MGAT4A: variants seen among roughly 807,000 people sequenced by gnomAD.
The protein encoded by MGAT4A is alpha-1,3-mannosyl-glycoprotein 4-beta-N-acetylglucosaminyltransferase A.
A neutral mutation model predicts 74.1 loss-of-function variants in MGAT4A; 33 were observed. That is an observed-to-expected ratio of 0.45 (90% CI 0.34 to 0.60). MGAT4A has a LOEUF of 0.60. MGAT4A is among the 20% of genes least tolerant of loss of function. MGAT4A has a pLI of 0.02. For missense variants in MGAT4A, 479 were observed against 628.3 expected, an observed-to-expected ratio of 0.76 and a Z score of 2.54; for synonymous variants, 198 against 210.4, an observed-to-expected ratio of 0.94 and a Z score of 0.51.
chr2:98,680,929 A>G (rs1288591038), intron 2 of MGAT4A, among the ~76,000 whole-genome samples: 1 of 152,238 alleles, frequency 6.6e-6, no homozygotes, highest in African/African-American at 2.4e-5. Context: ...TCTTACAAAA[A>G]GATTAATTCT....
chr2:98,654,728 C>T (rs976047027), intron 8 of MGAT4A, among the ~76,000 whole-genome samples: 5 of 152,144 alleles, frequency 3.3e-5, no homozygotes, highest in Middle Eastern at 3.4e-3. Context: ...CTACCTAAAG[C>T]GATCTACAGA....
At chr2:98,677,801 A>ATTTTTTTTTTT (rs70940122) in intron 3 of MGAT4A, among the ~76,000 whole-genome samples, 4 of 121,334 alleles carry the variant, frequency 3.3e-5, no homozygotes, top group Non-Finnish European at 6.8e-5. Flanking sequence ...CAGGTAATAA[A>ATTTTTTTTTTT]TTTTTTTTTT....
chr2:98,674,867 G>T (rs964251898), intron 4 of MGAT4A, among the ~76,000 whole-genome samples, 168 bp downstream of exon 4: 2 of 152,148 alleles, frequency 1.3e-5, no homozygotes, highest in African/African-American at 4.8e-5. Context: ...GGTCTATGAA[G>T]GAAAATGTCC....
chr2:98,726,098 A>G lies in MGAT4A; in HGVS notation c.94+141T>C, dbSNP rs2104339868. On this transcript the variant is annotated intron_variant, in intron 2 of 15. Coordinates refer to ENST00000393487, the MANE Select transcript of MGAT4A (RefSeq NM_012214.3). ...GTCCTCTGTCCAAGAATACTGTTTC[A>G]TTTTTATATCAGAAAGAAACTGCCA... 3 of 579,958 alleles carry G rather than the reference A, an allele frequency of 5.2e-6. No individual in the cohort carries two copies. In the East Asian group the frequency reaches 8.4e-5, roughly 16 times the overall value. The allele number at this position is 579,958 out of a possible 1,614,324, so 35.9% of individuals were successfully genotyped here.
intron 2 of MGAT4A, among the ~76,000 whole-genome samples, chr2:98,680,218 ATT>A (rs1387994446): frequency 6.6e-6 from 1 of 151,624 alleles, no homozygotes; most frequent in Non-Finnish European, 1.5e-5. Context: ...TACTTTTCGT[ATT>A]TTCAGTAGAG....
At chr2:98,642,268 C>G (rs1256431262) in intron 10 of MGAT4A, among the ~76,000 whole-genome samples, 4 of 152,266 alleles carry the variant, frequency 2.6e-5, no homozygotes, top group Admixed American at 6.5e-5. Context: ...GTGTCTGGAA[C>G]TCAGCCTGTC....
chr2:98,686,793 C>T (rs865818726), intron 2 of MGAT4A, among the ~76,000 whole-genome samples: 1 of 152,072 alleles, frequency 6.6e-6, no homozygotes, highest in Admixed American at 6.6e-5. Context: ...GTGATCTGCC[C>T]GCCTCGGCCT....
chr2:98,653,121 CAAA>C (rs57040440), intron 8 of MGAT4A, among the ~76,000 whole-genome samples: 1 of 140,180 alleles, frequency 7.1e-6, no homozygotes. Context: ...CAAACGAAAA[CAAA>C]AAAAAAAATA....
chr2:98,648,590 ATGTC>A (rs1166874816), intron 8 of MGAT4A, among the ~76,000 whole-genome samples: 3 of 151,704 alleles, frequency 2.0e-5, no homozygotes, highest in African/African-American at 7.3e-5. Context: ...ATGGTGGTGC[ATGTC>A]TGTGGCCCCA....
intron 8 of MGAT4A, among the ~76,000 whole-genome samples, chr2:98,647,156 A>G (rs951144748): frequency 1.3e-5 from 2 of 152,222 alleles, no homozygotes; most frequent in African/African-American, 4.8e-5. Context: ...GAAATAAGTG[A>G]TCTAGGGAAA....
intron 2 of MGAT4A, among the ~76,000 whole-genome samples, chr2:98,681,674 G>A (rs868756605): frequency 2.0e-5 from 3 of 152,158 alleles, no homozygotes; most frequent in South Asian, 2.1e-4. Flanking sequence ...ACTCTTTGGA[G>A]GCCGGGCGTG....
chr2:98,660,021 A>C (rs1190773043), intron 5 of MGAT4A, among the ~76,000 whole-genome samples: 1 of 152,190 alleles, frequency 6.6e-6, no homozygotes, highest in Non-Finnish European at 1.5e-5. Flanking sequence ...TCAAATTATA[A>C]AAAGTTTTTA....
chr2:98,673,543 C>T (rs1348646909), intron 4 of MGAT4A, among the ~76,000 whole-genome samples: 1 of 151,894 alleles, frequency 6.6e-6, no homozygotes, highest in Non-Finnish European at 1.5e-5. Flanking sequence ...TTCTACCTTT[C>T]AAAAATAGTA....
chr2:98,650,145 C>T (rs747409121), intron 8 of MGAT4A, among the ~76,000 whole-genome samples: 1 of 152,066 alleles, frequency 6.6e-6, no homozygotes, highest in Non-Finnish European at 1.5e-5. Flanking sequence ...TTGAAAATTT[C>T]ACTAGAAGGA....
chr2:98,622,347 C>G lies in MGAT4A; in HGVS notation c.*3219G>C. 9 of 985,426 alleles carry G rather than the reference C, an allele frequency of 9.1e-6. No homozygotes were observed. The highest frequency in any genetic ancestry group is 1.1e-5 in the Non-Finnish European group (9 of 829,940). 61.0% of individuals were successfully genotyped at this position (985,426 alleles called of 1,614,324 possible). On this transcript the variant is annotated 3_prime_UTR_variant, in exon 16 of 16. Coordinates refer to ENST00000393487, the MANE Select transcript of MGAT4A (RefSeq NM_012214.3). Reference sequence around the variant, plus strand: ...ACTAGCTCCACATGGCCACTGAGTACTTGGAATGTCACTAGTGTGTGTGAT... The same window carrying G: ...ACTAGCTCCACATGGCCACTGAGTAGTTGGAATGTCACTAGTGTGTGTGAT...
intron 4 of MGAT4A, among the ~76,000 whole-genome samples, chr2:98,671,344 T>C (rs996978072): frequency 1.3e-5 from 2 of 152,158 alleles, no homozygotes; most frequent in African/African-American, 4.8e-5. Flanking sequence ...GCAAATGTGA[T>C]CTCTGTAAAA....
At position 98,729,167 on chromosome 2, in the gene MGAT4A, GAA is replaced by G. The variant is rs71978870; in HGVS notation, c.-236+1879_-236+1880del. ...TATTGATATACTACCCCTAATATAT[GAA>G]AAAAAAAAAATACTGGATCCAGTAA... On this transcript the variant is annotated intron_variant, in intron 1 of 15. Coordinates refer to ENST00000393487, the MANE Select transcript of MGAT4A (RefSeq NM_012214.3). 3.3e-3 allele frequency among the ~76,000 whole-genome samples: 475 copies of G among 144,726 alleles called. 6 individuals are homozygous for G. The highest frequency in any genetic ancestry group is 0.011 in the African/African-American group (430 of 40,156). 94.9% of individuals were successfully genotyped at this position (144,726 alleles called of 152,430 possible).
In MGAT4A at chr2:98,622,316, G is replaced by T. The variant is rs190111823; in HGVS notation, c.*3250C>A. The T allele has an allele frequency of 3.8e-4, 379 of 985,426 alleles. 3 individuals are homozygous for T. Among genetic ancestry groups the T allele is most frequent in the Admixed American group, 3.7e-4 (6 of 16,286 alleles). 61.0% of individuals were successfully genotyped at this position (985,426 alleles called of 1,614,324 possible). A position where few individuals can be genotyped will look rare whatever the true frequency, so the allele number is the denominator to read the frequency against. ...TTCTGCATCCGTGGTGTCAAGTGTG[G>T]TGGCCACTAGCTCCACATGGCCACT... is the stretch of plus-strand genomic sequence containing the variant. On this transcript the variant is annotated 3_prime_UTR_variant, in exon 16 of 16. Coordinates refer to ENST00000393487, the MANE Select transcript of MGAT4A (RefSeq NM_012214.3).
Position 98,621,842 on chromosome 2 carries a change from TAAC to T in MGAT4A, c.*3721_*3723del, listed in dbSNP as rs563847439. 7,382 of 1,030,176 alleles carry T rather than the reference TAAC, an allele frequency of 7.2e-3. 26 individuals are homozygous for T. The highest frequency in any genetic ancestry group is 8.2e-3 in the Non-Finnish European group (7,049 of 858,688). 63.8% of individuals were successfully genotyped at this position (1,030,176 alleles called of 1,614,324 possible). A position where few individuals can be genotyped will look rare whatever the true frequency, so the allele number is the denominator to read the frequency against. On this transcript the variant is annotated 3_prime_UTR_variant, in exon 16 of 16. Coordinates refer to ENST00000393487, the MANE Select transcript of MGAT4A (RefSeq NM_012214.3). ...ATAATTTTGCTTATAGTTTTAAAAA[TAAC>T]AACACCTTCTAATTATTGACTAGTG...
Sources: gnomAD v4.1 joint callset for allele counts (sites outside exome capture counted in the v4.1 genomes callset) on GRCh38, gnomAD v4.1.1 for gene constraint, MANE v1.5 for transcripts, NCBI Gene and HGNC (gene_info 2026-07-23, HGNC 2026-07-21) for gene names.